Variants in LRMDA observed in about 807,000 individuals in gnomAD.
LRMDA encodes leucine rich melanocyte differentiation associated, also known as leucine-rich melanocyte differentiation-associated protein.
In LRMDA, 18 loss-of-function variants were observed where a neutral mutation model predicts 29.8. The ratio of observed to expected loss-of-function variants is 0.60; its 90% CI spans 0.42 to 0.90. LRMDA has a LOEUF of 0.90. Ranked by LOEUF, LRMDA falls within the 40% of genes least tolerant of loss-of-function variation. The probability of loss-of-function intolerance (pLI) is 0.00; values close to 1 mark genes in which losing one functional copy is unlikely to be tolerated. For synonymous variants in LRMDA, 125 were observed against 109.4 expected, an observed-to-expected ratio of 1.14 and a Z score of -0.89; for missense variants, 273 against 273.9, an observed-to-expected ratio of 1.00 and a Z score of 0.02.
At chr10:76,321,092 G>A (rs1840765241) in intron 5 of LRMDA, among the ~76,000 whole-genome samples, 1 of 151,680 alleles carries the variant, frequency 6.6e-6, no homozygotes, top group Non-Finnish European at 1.5e-5. Flanking sequence ...TTTCCTCATC[G>A]ACAGACATTT....
chr10:76,509,595 T>C (rs1842989335), intron 6 of LRMDA, among the ~76,000 whole-genome samples: 1 of 152,208 alleles, frequency 6.6e-6, no homozygotes, highest in Non-Finnish European at 1.5e-5. Flanking sequence ...ATTCCAGCCT[T>C]GCTTAATTTG....
chr10:75,439,303 C>T (rs1433450974), intron 2 of LRMDA, among the ~76,000 whole-genome samples: 2 of 152,170 alleles, frequency 1.3e-5, no homozygotes, highest in African/African-American at 4.8e-5. Flanking sequence ...CTTTTTCCTC[C>T]ATGCCCTCCT....
chr10:75,889,413 TG>T (rs1450571385), intron 2 of LRMDA, among the ~76,000 whole-genome samples: 1 of 152,212 alleles, frequency 6.6e-6, no homozygotes, highest in Non-Finnish European at 1.5e-5. Context: ...AGCATAGCCT[TG>T]CTTTTTGGAG....
intron 2 of LRMDA, among the ~76,000 whole-genome samples, chr10:75,589,766 AT>A (rs1229162051): frequency 4.6e-4 from 11 of 23,676 alleles, no homozygotes; most frequent in African/African-American, 6.6e-4. Flanking sequence ...TCTAAAAAAA[AT>A]ATATATATAT....
At chr10:76,452,377 C>A (rs1564545613) in intron 6 of LRMDA, among the ~76,000 whole-genome samples, 2 of 152,104 alleles carry the variant, frequency 1.3e-5, no homozygotes, top group East Asian at 1.9e-4. Context: ...AATCACTCAC[C>A]TGTTTCTGCT....
chr10:76,551,231 A>G (rs1843490837), intron 6 of LRMDA, among the ~76,000 whole-genome samples: 1 of 152,170 alleles, frequency 6.6e-6, no homozygotes, highest in Non-Finnish European at 1.5e-5. Flanking sequence ...CACCACCACG[A>G]TTTAGGAACT....
intron 2 of LRMDA, among the ~76,000 whole-genome samples, chr10:76,008,564 C>G (rs2132477028): frequency 6.6e-6 from 1 of 152,398 alleles, no homozygotes; most frequent in South Asian, 2.1e-4. Flanking sequence ...TCCAGCATCA[C>G]TGTGCAGGGC....
chr10:76,116,855 A>G (rs962542041), intron 5 of LRMDA, among the ~76,000 whole-genome samples: 2 of 152,128 alleles, frequency 1.3e-5, no homozygotes, highest in Non-Finnish European at 2.9e-5. Context: ...TGTCTGTTAC[A>G]TACATTCAAG....
intron 5 of LRMDA, among the ~76,000 whole-genome samples, chr10:76,073,149 A>G (rs1162955912): frequency 1.3e-5 from 2 of 152,216 alleles, no homozygotes; most frequent in African/African-American, 4.8e-5. Context: ...ATCAAAGATG[A>G]AAAGACCAAG....
chr10:75,941,834 T>G (rs1429728399), intron 2 of LRMDA, among the ~76,000 whole-genome samples: 1 of 152,188 alleles, frequency 6.6e-6, no homozygotes, highest in Non-Finnish European at 1.5e-5. Context: ...CTCCTCTTTC[T>G]GTTCAATGAG....
At chr10:76,251,979 T>C (rs1016576050) in intron 5 of LRMDA, among the ~76,000 whole-genome samples, 8 of 152,238 alleles carry the variant, frequency 5.3e-5, no homozygotes, top group Non-Finnish European at 7.3e-5. Context: ...CGGGTCTGTT[T>C]TGACTTAAAG....
chr10:76,357,166 T>C (rs1209278252), intron 6 of LRMDA, among the ~76,000 whole-genome samples: 1 of 152,116 alleles, frequency 6.6e-6, no homozygotes, highest in African/African-American at 2.4e-5. Flanking sequence ...GGGGGTGCGA[T>C]CAGGAGAGTA....
At chr10:75,709,421 CGT>C (rs201841923) in intron 2 of LRMDA, among the ~76,000 whole-genome samples, 37 of 147,308 alleles carry the variant, frequency 2.5e-4, no homozygotes, top group South Asian at 4.3e-4. Context: ...TCTGTGTGTA[CGT>C]GTGTGTGTGT....
intron 6 of LRMDA, among the ~76,000 whole-genome samples, chr10:76,342,380 T>C: frequency 2.6e-5 from 4 of 152,182 alleles, no homozygotes; most frequent in Admixed American, 2.6e-4. Flanking sequence ...AGATTTAAGA[T>C]AATTATTAGA....
At chr10:75,693,316 A>G (rs1172618776) in intron 2 of LRMDA, among the ~76,000 whole-genome samples, 3 of 152,338 alleles carry the variant, frequency 2.0e-5, no homozygotes, top group East Asian at 1.9e-4. Flanking sequence ...CCAGAGAACC[A>G]CAATGTAGCT....
intron 2 of LRMDA, among the ~76,000 whole-genome samples, chr10:75,457,158 A>C (rs749173742): frequency 4.6e-5 from 7 of 152,224 alleles, no homozygotes; most frequent in Non-Finnish European, 1.0e-4. Flanking sequence ...GGCTTTCCCA[A>C]GGGCATGCAG....
chr10:76,165,009 G>T (rs1203785435), intron 5 of LRMDA, among the ~76,000 whole-genome samples: 2 of 152,188 alleles, frequency 1.3e-5, no homozygotes, highest in Admixed American at 6.5e-5. Flanking sequence ...TCTTGCTCTT[G>T]TCCCCCAGGC....
At chr10:75,623,302 G>T (rs1442276089) in intron 2 of LRMDA, among the ~76,000 whole-genome samples, 1 of 152,176 alleles carries the variant, frequency 6.6e-6, no homozygotes, top group East Asian at 1.9e-4. Context: ...AGTGGGCTCT[G>T]CTCCCCTCCC....
intron 2 of LRMDA, among the ~76,000 whole-genome samples, chr10:75,536,525 G>A (rs1212637483): frequency 6.6e-6 from 1 of 152,008 alleles, no homozygotes; most frequent in African/African-American, 2.4e-5. Flanking sequence ...ACACCTGTTT[G>A]GGGTATATGT....
Sources: gnomAD v4.1 joint callset for allele counts (sites outside exome capture counted in the v4.1 genomes callset) on GRCh38, gnomAD v4.1.1 for gene constraint, MANE v1.5 for transcripts, NCBI Gene and HGNC (gene_info 2026-07-23, HGNC 2026-07-21) for gene names.